The following SEMA3D variants were observed in gnomAD, a reference collection of about 807,000 sequenced individuals.
SEMA3D encodes semaphorin-3D.
A neutral mutation model predicts 100.1 loss-of-function variants in SEMA3D; 84 were observed. The ratio of observed to expected loss-of-function variants is 0.84; its 90% CI spans 0.70 to 1.01. The LOEUF (loss-of-function observed/expected upper bound fraction) is 1.01. Among genes scored for constraint, SEMA3D ranks in the 50% least tolerant of loss-of-function variants. The probability of loss-of-function intolerance (pLI) is 0.00; values close to 1 mark genes in which losing one functional copy is unlikely to be tolerated. For synonymous variants in SEMA3D, 312 were observed against 320.7 expected (o/e 0.97, Z 0.29); for missense variants, 875 against 934.1 (o/e 0.94, Z 0.82).
chr7:85,189,776 C>T (rs1791654624), upstream of SEMA3D, among the ~76,000 whole-genome samples: 1 of 152,192 alleles, frequency 6.6e-6, no homozygotes, highest in Non-Finnish European at 1.5e-5. Flanking sequence ...TACTACTCCT[C>T]ACCCATCTCT....
intron 17 of SEMA3D, among the ~76,000 whole-genome samples, chr7:85,008,317 A>T (rs1789857523): frequency 6.6e-6 from 1 of 151,868 alleles, no homozygotes; most frequent in Non-Finnish European, 1.5e-5. Context: ...TAAATTGGTG[A>T]AATCAACTGG....
chr7:85,238,388 G>T, the SEMA3D span, among the ~76,000 whole-genome samples: 1 of 152,122 alleles, frequency 6.6e-6, no homozygotes, highest in African/African-American at 2.4e-5. Flanking sequence ...TATGAAGGGT[G>T]TAAAATCTGC....
At position 85,022,470 on chromosome 7, in the gene SEMA3D, C is replaced by A; in HGVS notation, c.1335G>T (p.Val445=). 1.2e-6 allele frequency: 2 copies of A among 1,612,522 alleles called. No individual in the cohort carries two copies. Among genetic ancestry groups the A allele is most frequent in the Non-Finnish European group, 1.7e-6 (2 of 1,178,946 alleles). Residue 445 remains valine (V), a synonymous_variant, in exon 13 of 19, where the codon GTG becomes GTT. Coordinates refer to ENST00000284136, the MANE Select transcript of SEMA3D (RefSeq NM_001384900.1). The part of the protein sequence containing the change: ...AGGPTFKRIN[V]DYRLTQIVVD... Reference sequence around the variant, plus strand: ...CCACTATCTGTGTCAGTCTGTAATCCACATTGATTCTCTTGAACGTTGGTC... The same window carrying A: ...CCACTATCTGTGTCAGTCTGTAATCAACATTGATTCTCTTGAACGTTGGTC...
chr7:85,081,755 A>G (rs565197646), intron 4 of SEMA3D, among the ~76,000 whole-genome samples, 176 bp from the exon 5 acceptor site: 1 of 152,324 alleles, frequency 6.6e-6, no homozygotes, highest in East Asian at 1.9e-4. Flanking sequence ...GAAAGTTTCT[A>G]AAAGAAAAGT....
the SEMA3D span, among the ~76,000 whole-genome samples, chr7:85,230,609 A>T: frequency 6.6e-6 from 1 of 152,180 alleles, no homozygotes; most frequent in African/African-American, 2.4e-5. Flanking sequence ...TTAAAAGTAT[A>T]TCTCCTATTA....
intron 7 of SEMA3D, among the ~76,000 whole-genome samples, chr7:85,066,196 T>G (rs1407500180): frequency 6.6e-6 from 1 of 151,952 alleles, no homozygotes; most frequent in Non-Finnish European, 1.5e-5. Context: ...CATGTTCTGT[T>G]TCACCAGAGA....
At chr7:85,225,039 C>A in the SEMA3D span, among the ~76,000 whole-genome samples, 1 of 120,274 alleles carries the variant, frequency 8.3e-6, no homozygotes. Context: ...ATCACTGCTC[C>A]TGATTTTCTT....
the SEMA3D span, among the ~76,000 whole-genome samples, chr7:85,244,846 G>T: frequency 6.6e-6 from 1 of 151,682 alleles, no homozygotes; most frequent in South Asian, 2.1e-4. Flanking sequence ...GAGTAGCTGG[G>T]ACTATAGGCA....
chr7:85,010,093 A>C (rs746101701), intron 17 of SEMA3D, among the ~76,000 whole-genome samples: 2 of 151,842 alleles, frequency 1.3e-5, no homozygotes, highest in Non-Finnish European at 2.9e-5. Context: ...TGATATAAAA[A>C]GATGGAGCTA....
At chr7:85,124,440 T>A (rs895828030) in intron 2 of SEMA3D, among the ~76,000 whole-genome samples, 3 of 152,056 alleles carry the variant, frequency 2.0e-5, no homozygotes, top group Admixed American at 1.3e-4. Context: ...GCCATTGGCA[T>A]CATATCTAAT....
intron 7 of SEMA3D, among the ~76,000 whole-genome samples, chr7:85,067,831 G>T (rs1791668486): frequency 6.6e-6 from 1 of 152,056 alleles, no homozygotes; most frequent in Admixed American, 6.5e-5. Flanking sequence ...ACCCACATAT[G>T]GAATTGCCAA....
intron 3 of SEMA3D, among the ~76,000 whole-genome samples, chr7:85,118,231 C>G (rs994167942): frequency 4.2e-4 from 64 of 152,176 alleles, no homozygotes; most frequent in African/African-American, 1.4e-3. Flanking sequence ...TATTGAGATT[C>G]CATATCTGCT....
intron 13 of SEMA3D, among the ~76,000 whole-genome samples, 170 bp from the exon 14 acceptor site, chr7:85,020,491 C>T (rs761904871): frequency 6.6e-5 from 10 of 151,500 alleles, no homozygotes; most frequent in Non-Finnish European, 1.2e-4. Context: ...GTTTTGTCCT[C>T]CCAAAATATA....
the SEMA3D span, among the ~76,000 whole-genome samples, chr7:85,225,050 T>TTATA: frequency 1.4e-4 from 11 of 77,400 alleles, no homozygotes; most frequent in Admixed American, 4.6e-4. Context: ...TGATTTTCTT[T>TTATA]TATATATATA....
At chr7:85,248,173 C>G in the SEMA3D span, among the ~76,000 whole-genome samples, 1 of 152,014 alleles carries the variant, frequency 6.6e-6, no homozygotes, top group Non-Finnish European at 1.5e-5. Context: ...AAGAACTGAA[C>G]AGACACCTCC....
intron 5 of SEMA3D, among the ~76,000 whole-genome samples, chr7:85,076,737 T>C (rs1476222505): frequency 3.3e-4 from 50 of 152,210 alleles, no homozygotes; most frequent in Admixed American, 3.3e-3. Context: ...CTGAGCTACA[T>C]GTTAGGCTTG....
chr7:85,001,428 TAGA>T (rs1789652041), intron 18 of SEMA3D, among the ~76,000 whole-genome samples: 1 of 152,220 alleles, frequency 6.6e-6, no homozygotes, highest in Non-Finnish European at 1.5e-5. Context: ...TCAGAAACCA[TAGA>T]AGTCTCATGC....
chr7:85,248,346 G>C, the SEMA3D span, among the ~76,000 whole-genome samples: 6 of 152,134 alleles, frequency 3.9e-5, no homozygotes, highest in South Asian at 8.3e-4. Context: ...AGAATGTGGA[G>C]TAACTGTCAC....
the SEMA3D span, among the ~76,000 whole-genome samples, chr7:85,243,548 A>G: frequency 4.6e-4 from 70 of 152,110 alleles, no homozygotes; most frequent in African/African-American, 1.6e-3. Flanking sequence ...CTATGACTTC[A>G]TTTCTCTGAC....
Sources: gnomAD v4.1 joint callset for allele counts (sites outside exome capture counted in the v4.1 genomes callset) on GRCh38, gnomAD v4.1.1 for gene constraint, MANE v1.5 for transcripts, NCBI Gene and HGNC (gene_info 2026-07-23, HGNC 2026-07-21) for gene names.